RPAP3: variants seen among roughly 807,000 people sequenced by gnomAD.
RPAP3 encodes the protein RNA polymerase II-associated protein 3.
Under a neutral mutation model 88.8 loss-of-function variants are expected in RPAP3, and 58 were observed. The ratio of observed to expected loss-of-function variants is 0.65; its 90% confidence interval spans 0.53 to 0.81. RPAP3 has a LOEUF of 0.81. Among genes scored for constraint, RPAP3 ranks in the 40% least tolerant of loss-of-function variants. The pLI, the probability that RPAP3 is intolerant of heterozygous loss-of-function variation, is 0.00. For synonymous variants in RPAP3, 255 were observed against 259.9 expected, an observed-to-expected ratio of 0.98 and a Z score of 0.18; for missense variants, 751 against 764.3, an observed-to-expected ratio of 0.98 and a Z score of 0.20.
At chr12:47,674,095 A>AAC in intron 12 of RPAP3, among the ~76,000 whole-genome samples, 1 of 150,732 alleles carries the variant, frequency 6.6e-6, no homozygotes, top group African/African-American at 2.4e-5. Context: ...AAAAAAAAAA[A>AAC]AAAAAAAAAA....
intron 3 of RPAP3, chr12:47,699,344 G>A (rs991111872): frequency 2.0e-5 from 3 of 152,130 alleles, no homozygotes; most frequent in Non-Finnish European, 2.9e-5. Context: ...CTGATGAAAA[G>A]GAACAGGCTA....
chr12:47,674,432 C>G (rs1261361815), intron 12 of RPAP3, among the ~76,000 whole-genome samples: 2 of 152,138 alleles, frequency 1.3e-5, no homozygotes, highest in Non-Finnish European at 2.9e-5. Flanking sequence ...TTCAGAAGGT[C>G]CGTAATACAA....
At chr12:47,705,841 C>A in intron 1 of RPAP3, 111 bp downstream of exon 1, 1 of 161,042 alleles carries the variant, frequency 6.2e-6, no homozygotes, top group Non-Finnish European at 1.4e-5. Context: ...CACCGCCAGC[C>A]CCGGCCCGCC....
chr12:47,678,907 C>G (rs1042892544), intron 12 of RPAP3, among the ~76,000 whole-genome samples: 10 of 152,112 alleles, frequency 6.6e-5, no homozygotes, highest in East Asian at 3.8e-4. Flanking sequence ...GGGTATATAT[C>G]CAAAGGATTA....
intron 12 of RPAP3, among the ~76,000 whole-genome samples, chr12:47,676,095 T>C (rs1476091734): frequency 6.6e-6 from 1 of 152,154 alleles, no homozygotes; most frequent in Admixed American, 6.5e-5. Context: ...AGAAACTCAC[T>C]CAAAACTGCA....
chr12:47,682,952 C>T (rs191835318), intron 9 of RPAP3, among the ~76,000 whole-genome samples: 9 of 152,240 alleles, frequency 5.9e-5, no homozygotes, highest in Non-Finnish European at 7.4e-5. Flanking sequence ...TCCTTTGGAG[C>T]GCAAAGTCAG....
chr12:47,699,556 A>T (rs1306772448), intron 3 of RPAP3: 1 of 152,242 alleles, frequency 6.6e-6, no homozygotes, highest in East Asian at 1.9e-4. Context: ...TTTATTAAGA[A>T]AAATACCACA....
At chr12:47,681,647 C>T in intron 10 of RPAP3, 49 bp downstream of exon 10, 1 of 1,584,718 alleles carries the variant, frequency 6.3e-7, no homozygotes, top group Non-Finnish European at 8.6e-7. Context: ...GCTTCTTTAA[C>T]TTGGGCACTC....
In RPAP3 at chr12:47,670,540, C is replaced by T. The variant is rs370499766; in HGVS notation, c.1288-195G>A. Among the ~76,000 whole-genome samples the T allele has an allele frequency of 2.6e-4, 40 of 152,068 alleles. 1 individual carries two copies. In the South Asian group the frequency reaches 8.1e-3, roughly 31 times the overall value. ...TACAAAGCACTTATCCCAGGTAGGT[C>T]GAAACAAGGGAGAGAGACATGTATA... On this transcript the variant is annotated intron_variant, in intron 12 of 16. Coordinates refer to ENST00000005386, the MANE Select transcript of RPAP3 (RefSeq NM_024604.3).
rs149483016 is a variant in RPAP3 at position 47,697,741 on chromosome 12, CAG to C, written c.295-24_295-23del. 9.7e-3 allele frequency: 13,169 copies of C among 1,360,542 alleles called. 831 individuals carry two copies. In the African/African-American group the frequency reaches 0.15, roughly 16 times the overall value. 84.3% of individuals were successfully genotyped at this position (1,360,542 alleles called of 1,614,324 possible). On this transcript the variant is annotated intron_variant, in intron 3 of 16. Coordinates refer to ENST00000005386, the MANE Select transcript of RPAP3 (RefSeq NM_024604.3). Reference sequence around the variant, plus strand: ...GGTCCTAAAATCAAAAGACGGAAAACAGGGGTCATAATTATATGATTAGGAAA... The same window carrying C: ...GGTCCTAAAATCAAAAGACGGAAAACGGGTCATAATTATATGATTAGGAAA...
rs909528970 is a variant in RPAP3, at chr12:47,669,508, T to G, written c.1527-406A>C. On this transcript the variant is annotated intron_variant, in intron 13 of 16. Coordinates refer to ENST00000005386, the MANE Select transcript of RPAP3 (RefSeq NM_024604.3). ...CTGCCTATATAGTATTGTCCCATGA[T>G]CTATACTATCACTTTAAATAAAAGT... Among the ~76,000 whole-genome samples, 5 of 152,252 alleles carry G rather than the reference T, an allele frequency of 3.3e-5. No homozygotes were observed. The East Asian group carries it at 9.6e-4, about 29-fold the overall frequency.
Position 47,667,036 on chromosome 12 carries a change from GA to G in RPAP3, c.1855del (p.Ser619LeufsTer3). 6.6e-7 allele frequency: 1 copy of G among 1,523,188 alleles called. No individual in the cohort carries two copies. Among genetic ancestry groups the G allele is most frequent in the Non-Finnish European group, 8.8e-7 (1 of 1,142,538 alleles). 94.4% of individuals were successfully genotyped at this position (1,523,188 alleles called of 1,614,324 possible). ...LLIFEILQRL[S>X]ELKRFDMAVM... ...TGCCATATCAAACCTTTTTAGTTCA[GA>G]AAGTCTTTGTAAGATTTCAAAGATG... On this transcript the variant is annotated frameshift_variant, in exon 16 of 17. Coordinates refer to ENST00000005386, the MANE Select transcript of RPAP3 (RefSeq NM_024604.3). LOFTEE classifies it high-confidence loss of function.
At chr12:47,674,217 G>A (rs1483401506) in intron 12 of RPAP3, among the ~76,000 whole-genome samples, 1 of 151,866 alleles carries the variant, frequency 6.6e-6, no homozygotes, top group African/African-American at 2.4e-5. Context: ...CGCAGAAGAA[G>A]GGTGATTTCT....
Position 47,690,569 on chromosome 12 carries a change from T to G in RPAP3, c.616A>C (p.Arg206=), listed in dbSNP as rs1292514255. 1 of 1,605,246 alleles carries G rather than the reference T, an allele frequency of 6.2e-7. No individual in the cohort carries two copies. Among genetic ancestry groups the G allele is most frequent in the Non-Finnish European group, 8.5e-7 (1 of 1,175,394 alleles). The change falls in exon 6 of 17, where the codon AGA becomes CGA. Residue 206 remains arginine (R), a synonymous_variant. Coordinates refer to ENST00000005386, the MANE Select transcript of RPAP3 (RefSeq NM_024604.3). ...LNRSYTKAYS[R]RGAARFALQK... ...AAAGCAAATCGAGCAGCACCTCGTC[T>G]GGAATAAGCCTTTGTATAACTTCTA...
chr12:47,700,992 G>C (rs1255410092), intron 3 of RPAP3, among the ~76,000 whole-genome samples: 2 of 152,136 alleles, frequency 1.3e-5, no homozygotes, highest in African/African-American at 4.8e-5. Context: ...GGCACAAAGG[G>C]AATCTTTGTG....
chr12:47,697,616 G>A lies in RPAP3; in HGVS notation c.398C>T (p.Ala133Val), dbSNP rs1359840156. ...TAGTACCTTTTCTTTTAAAACAAGA[G>A]CCTTTTGTGAATCTACATGAATCCC... ...EDGIHVDSQKALVLKEKGNKY... is the reference protein window; with the variant it reads ...EDGIHVDSQKVLVLKEKGNKY... The change falls in exon 4 of 17, where the codon GCT becomes GTT. Residue 133 changes from alanine (A) to valine (V), a missense_variant. Coordinates refer to ENST00000005386, the MANE Select transcript of RPAP3 (RefSeq NM_024604.3). 1.9e-5 allele frequency: 31 copies of A among 1,607,754 alleles called. No homozygotes were observed. The highest frequency in any genetic ancestry group is 2.7e-5 in the African/African-American group (2 of 74,396).
intron 12 of RPAP3, among the ~76,000 whole-genome samples, chr12:47,673,156 T>C (rs996876655): frequency 6.6e-6 from 1 of 152,016 alleles, no homozygotes; most frequent in African/African-American, 2.4e-5. Flanking sequence ...AATACGGTCG[T>C]AATAGGCCAG....
At chr12:47,681,558 C>T (rs948936805) in intron 10 of RPAP3, 138 bp downstream of exon 10, 7 of 838,884 alleles carry the variant, frequency 8.3e-6, no homozygotes, top group Admixed American at 3.5e-5. Flanking sequence ...CAAATCTATT[C>T]GTGATCTAAA....
chr12:47,690,033 C>T (rs1051915787), intron 6 of RPAP3, among the ~76,000 whole-genome samples: 4 of 144,778 alleles, frequency 2.8e-5, no homozygotes, highest in African/African-American at 1.0e-4. Context: ...AAAAGCAAGA[C>T]TCTGTCTCAA....
Sources: allele counts gnomAD v4.1 joint callset (sites outside exome capture counted in the v4.1 genomes callset), GRCh38; gene constraint gnomAD v4.1.1; transcripts MANE v1.5; gene names NCBI Gene and HGNC (gene_info 2026-07-23, HGNC 2026-07-21).